Variants in MYCBP2 observed in about 807,000 individuals in gnomAD.
The protein encoded by MYCBP2 is E3 ubiquitin-protein ligase MYCBP2.
In MYCBP2, 120 loss-of-function variants were observed where a neutral mutation model predicts 525.3. The ratio of observed to expected loss-of-function variants is 0.23; its 90% confidence interval spans 0.20 to 0.27. The LOEUF is 0.27. MYCBP2 is among the 10% of genes least tolerant of loss of function. MYCBP2 has a pLI of 1.00. For missense variants in MYCBP2, 4,149 were observed against 5,657.1 expected, an observed-to-expected ratio of 0.73 and a Z score of 8.55; for synonymous variants, 1,894 against 1,955.8, an observed-to-expected ratio of 0.97 and a Z score of 0.83.
chr13:77,200,316 G>C (rs138354076), intron 26 of MYCBP2, among the ~76,000 whole-genome samples: 2 of 152,064 alleles, frequency 1.3e-5, no homozygotes, highest in Non-Finnish European at 2.9e-5. Flanking sequence ...AATAAATGAA[G>C]TGAAGCGAGA....
chr13:77,238,242 CAAA>C (rs772175406), intron 17 of MYCBP2, among the ~76,000 whole-genome samples: 2 of 28,310 alleles, frequency 7.1e-5, no homozygotes, highest in African/African-American at 1.1e-4. Context: ...GACTCCGTCT[CAAA>C]AAAAAAAAAA....
intron 20 of MYCBP2, among the ~76,000 whole-genome samples, chr13:77,223,340 A>C (rs1412045554): frequency 1.3e-5 from 2 of 152,176 alleles, no homozygotes; most frequent in East Asian, 3.8e-4. Context: ...GCTGGAACCT[A>C]GACTCCTACC....
At chr13:77,071,303 ACACAC>A (rs1238207152) in intron 68 of MYCBP2, among the ~76,000 whole-genome samples, 1 of 151,922 alleles carries the variant, frequency 6.6e-6, no homozygotes, top group African/African-American at 2.4e-5. Context: ...ACACACACAC[ACACAC>A]AAATCTTATC....
intron 26 of MYCBP2, among the ~76,000 whole-genome samples, chr13:77,200,055 G>C (rs1044176641): frequency 6.6e-6 from 1 of 152,180 alleles, no homozygotes; most frequent in Non-Finnish European, 1.5e-5. Context: ...TGACTTTGAC[G>C]AGCTGAGAGA....
chr13:77,087,188 A>T (rs1232087701), intron 62 of MYCBP2, among the ~76,000 whole-genome samples: 1 of 152,116 alleles, frequency 6.6e-6, no homozygotes, highest in Non-Finnish European at 1.5e-5. Context: ...TGTCACCTAG[A>T]TTACTTTCAT....
intron 55 of MYCBP2, chr13:77,109,529 C>T (rs1436255042): frequency 6.6e-6 from 1 of 152,222 alleles, no homozygotes; most frequent in Non-Finnish European, 1.5e-5. Flanking sequence ...TCAGAACAGC[C>T]TTGTGATATT....
chr13:77,257,381 G>A (rs1158749456), intron 14 of MYCBP2, among the ~76,000 whole-genome samples: 1 of 151,946 alleles, frequency 6.6e-6, no homozygotes, highest in Non-Finnish European at 1.5e-5. Context: ...AACTGAGGGA[G>A]TATAACTGGA....
At chr13:77,320,257 A>G (rs1594900162) in intron 1 of MYCBP2, among the ~76,000 whole-genome samples, 1 of 152,220 alleles carries the variant, frequency 6.6e-6, no homozygotes, top group East Asian at 1.9e-4. Context: ...TTAGCTGCCA[A>G]TATTGCCAAG....
chr13:77,272,586 C>T (rs773361288), intron 5 of MYCBP2, among the ~76,000 whole-genome samples: 2 of 152,104 alleles, frequency 1.3e-5, no homozygotes, highest in African/African-American at 2.4e-5. Flanking sequence ...CTACAGAACA[C>T]AGCTTGAAAA....
chr13:77,279,526 T>C lies in MYCBP2; in HGVS notation c.595-615A>G, dbSNP rs75382987. On this transcript the variant is annotated intron_variant, in intron 3 of 82. Transcript: ENST00000544440. The stretch of plus-strand genomic sequence containing the variant: ...AAGACTGATAAAACAAAAGACAAAT[T>C]CCATTTCTCAGGCAATGTCAACATT... 1.1e-3 allele frequency among the ~76,000 whole-genome samples: 165 copies of C among 152,212 alleles called. 2 individuals carry two copies. The highest frequency in any genetic ancestry group is 3.4e-3 in the African/African-American group (140 of 41,558).
intron 45 of MYCBP2, 124 bp from the exon 46 acceptor site, chr13:77,156,326 A>G: frequency 1.2e-6 from 1 of 861,186 alleles, no homozygotes; most frequent in South Asian, 2.1e-5. Flanking sequence ...CATTATCTTC[A>G]TTTCCAACTC....
intron 74 of MYCBP2, among the ~76,000 whole-genome samples, chr13:77,062,185 T>C (rs993596999): frequency 1.2e-4 from 18 of 152,218 alleles, no homozygotes; most frequent in African/African-American, 4.1e-4. Context: ...AACTTAAAGA[T>C]ACCCATCAAA....
rs1349086650 is a variant in MYCBP2 at position 77,165,480 on chromosome 13, C to G, written c.6341-89G>C. 7 of 949,932 alleles carry G rather than the reference C, an allele frequency of 7.4e-6. No homozygotes were observed. The Admixed American group carries it at 1.2e-4, about 16-fold the overall frequency. 58.8% of individuals were successfully genotyped at this position (949,932 alleles called of 1,614,324 possible). On this transcript the variant is annotated intron_variant, in intron 41 of 82. Transcript: ENST00000544440. ...TTATCCAATGGACTTTCTCTTTTAT[C>G]ACAAGATAGGTAAAAACACAAATCA...
chr13:77,091,712 AT>A (rs1298361239), intron 59 of MYCBP2, among the ~76,000 whole-genome samples: 2 of 152,060 alleles, frequency 1.3e-5, no homozygotes, highest in African/African-American at 2.4e-5. Flanking sequence ...TAATGAATTC[AT>A]TTATTCATCA....
chr13:77,055,439 A>G (rs1295051068), intron 80 of MYCBP2, 119 bp downstream of exon 80: 1 of 805,816 alleles, frequency 1.2e-6, no homozygotes, highest in Non-Finnish European at 1.9e-6. Context: ...GTACCAAGCT[A>G]TCTTATTTTT....
chr13:77,267,504 T>C (rs977750754), intron 8 of MYCBP2, among the ~76,000 whole-genome samples: 2 of 152,060 alleles, frequency 1.3e-5, no homozygotes, highest in Non-Finnish European at 2.9e-5. Context: ...GAAGGTTCTT[T>C]ATACTGAGTC....
chr13:77,087,953 A>T (rs990693919), intron 61 of MYCBP2, among the ~76,000 whole-genome samples: 2 of 151,762 alleles, frequency 1.3e-5, no homozygotes, highest in African/African-American at 4.8e-5. Context: ...GCTGATTTTA[A>T]AACTTTTTTT....
intron 3 of MYCBP2, among the ~76,000 whole-genome samples, chr13:77,280,524 C>T (rs932143369): frequency 3.3e-5 from 5 of 152,236 alleles, no homozygotes; most frequent in Non-Finnish European, 7.3e-5. Flanking sequence ...ATTGCTTACT[C>T]TGCTACCAAC....
At chr13:77,283,894 T>C (rs1476009767) in intron 3 of MYCBP2, among the ~76,000 whole-genome samples, 1 of 152,082 alleles carries the variant, frequency 6.6e-6, no homozygotes, top group East Asian at 1.9e-4. Flanking sequence ...CCAGACCCTG[T>C]CTCAAAATGA....
Sources: gnomAD v4.1 joint callset for allele counts (sites outside exome capture counted in the v4.1 genomes callset) on GRCh38, gnomAD v4.1.1 for gene constraint, MANE v1.5 for transcripts, NCBI Gene and HGNC (gene_info 2026-07-23, HGNC 2026-07-21) for gene names.